Variants in ZNF786 observed in about 807,000 individuals in gnomAD.
ZNF786 encodes the protein zinc finger protein 786.
A neutral mutation model predicts 63.1 loss-of-function variants in ZNF786; 56 were observed. That is an observed-to-expected ratio of 0.89 (90% confidence interval 0.72 to 1.11). ZNF786 has a LOEUF of 1.11. Among genes scored for constraint, ZNF786 ranks in the 50% least tolerant of loss-of-function variants. The probability of loss-of-function intolerance (pLI) is 0.00; values close to 1 mark genes in which losing one functional copy is unlikely to be tolerated. For missense variants in ZNF786, 1,213 were observed against 1,041.8 expected, an observed-to-expected ratio of 1.16 and a Z score of -2.26; for synonymous variants, 485 against 406.9, an observed-to-expected ratio of 1.19 and a Z score of -2.31.
At chr7:149,089,184 T>C (rs934834441) in intron 1 of ZNF786, among the ~76,000 whole-genome samples, 1 of 152,090 alleles carries the variant, frequency 6.6e-6, no homozygotes, top group African/African-American at 2.4e-5. Context: ...GATCTCCTGA[T>C]CTCGTGATCC....
intron 1 of ZNF786, among the ~76,000 whole-genome samples, chr7:149,087,426 G>T (rs892064455): frequency 2.6e-5 from 4 of 152,150 alleles, no homozygotes; most frequent in African/African-American, 9.7e-5. Flanking sequence ...GTTATAATGT[G>T]GGGAAGCGGG....
chr7:149,078,163 A>G (rs114707704), intron 2 of ZNF786, among the ~76,000 whole-genome samples: 1,612 of 151,920 alleles, frequency 0.011, 23 homozygotes, highest in African/African-American at 0.037. Context: ...ACACCTGGCC[A>G]AAATGTAGCA....
intron 3 of ZNF786, among the ~76,000 whole-genome samples, chr7:149,072,843 T>C (rs1238821660): frequency 6.6e-6 from 1 of 152,208 alleles, no homozygotes; most frequent in Non-Finnish European, 1.5e-5. Flanking sequence ...TACATAAGAT[T>C]ACTGTGAGAA....
At chr7:149,088,821 T>A (rs1278603968) in intron 1 of ZNF786, among the ~76,000 whole-genome samples, 1 of 152,226 alleles carries the variant, frequency 6.6e-6, no homozygotes, top group Admixed American at 6.5e-5. Context: ...ATAAATAATA[T>A]GGGAACTTTC....
At position 149,070,664 on chromosome 7, in the gene ZNF786, G is replaced by C. The variant is rs1482957530; in HGVS notation, c.2108C>G (p.Pro703Arg). The change falls in exon 4 of 4, where the codon CCT becomes CGT. Residue 703 changes from proline (P) to arginine (R), a missense_variant. Transcript: ENST00000491431. ...SHQGLHTGER[P>R]FHCPECDKNF... ...CTTGTCACACTCAGGGCAGTGAAAAGGCCTCTCCCCTGTGTGCAGGCCCTG... is the reference window on the plus strand; with the variant it reads ...CTTGTCACACTCAGGGCAGTGAAAACGCCTCTCCCCTGTGTGCAGGCCCTG... The C allele has an allele frequency of 3.7e-6, 6 of 1,613,964 alleles. No individual in the cohort carries two copies. Among genetic ancestry groups the C allele is most frequent in the Non-Finnish European group, 5.1e-6 (6 of 1,179,902 alleles).
intron 2 of ZNF786, among the ~76,000 whole-genome samples, chr7:149,078,351 A>G (rs754543499): frequency 6.6e-6 from 1 of 152,114 alleles, no homozygotes; most frequent in Non-Finnish European, 1.5e-5. Context: ...GTTTTCAGTT[A>G]TATGTTTTAG....
intron 3 of ZNF786, among the ~76,000 whole-genome samples, chr7:149,072,711 T>C (rs762880921): frequency 2.6e-5 from 4 of 152,172 alleles, no homozygotes; most frequent in Non-Finnish European, 4.4e-5. Flanking sequence ...AGGTCGCAAA[T>C]ATAGAGTGTA....
Position 149,071,533 on chromosome 7 carries a change from C to A in ZNF786, c.1239G>T (p.Gln413His), listed in dbSNP as rs2129513760. ...TKRFRLRRLL[Q>H]VHQHAHGGER... is the part of the protein sequence containing the mutation. ...CCCCACCGTGCGCGTGCTGGTGGAC[C>A]TGCAGCAGGCGGCGCAGGCGGAAGC... is the stretch of plus-strand genomic sequence containing the variant. Residue 413 changes from glutamine (Q) to histidine (H), a missense_variant, in exon 4 of 4, where the codon CAG becomes CAT. Transcript: ENST00000491431. 2 of 1,613,238 alleles carry A rather than the reference C, an allele frequency of 1.2e-6. No individual in the cohort carries two copies. The highest frequency in any genetic ancestry group is 1.7e-6 in the Non-Finnish European group (2 of 1,179,874).
intron 2 of ZNF786, among the ~76,000 whole-genome samples, chr7:149,076,514 G>A (rs1305615657): frequency 6.6e-6 from 1 of 150,916 alleles, no homozygotes; most frequent in Non-Finnish European, 1.5e-5. Context: ...GGATGACGAG[G>A]TCAGGAGTTC....
At chr7:149,077,996 G>A (rs1396127733) in intron 2 of ZNF786, among the ~76,000 whole-genome samples, 2 of 151,360 alleles carry the variant, frequency 1.3e-5, no homozygotes, top group Non-Finnish European at 2.9e-5. Flanking sequence ...CCAAGTAGCT[G>A]GGATTACAGG....
intron 1 of ZNF786, chr7:149,082,432 G>T: frequency 6.3e-6 from 3 of 472,952 alleles, no homozygotes; most frequent in Non-Finnish European, 8.3e-6. Context: ...TACTTCCTGA[G>T]GCTCACAACT....
rs570462245 is a variant in ZNF786, at chr7:149,076,367, G to A, written c.146-1829C>T. Among the ~76,000 whole-genome samples the A allele has an allele frequency of 1.1e-4, 16 of 150,044 alleles. No individual in the cohort carries two copies. The South Asian group carries it at 3.0e-3, about 28-fold the overall frequency. On this transcript the variant is annotated intron_variant, in intron 2 of 3. Coordinates refer to ENST00000491431, the MANE Select transcript of ZNF786 (RefSeq NM_152411.4). The stretch of plus-strand genomic sequence containing the variant: ...CGACCTCAGGTGATCCGGCTGCCTC[G>A]GCCTCCCAAAGTGCTGGGATTACAG...
chr7:149,077,573 A>G (rs2129515664), intron 2 of ZNF786, among the ~76,000 whole-genome samples: 1 of 151,938 alleles, frequency 6.6e-6, no homozygotes, highest in African/African-American at 2.4e-5. Context: ...GCTTGCAGTG[A>G]GCTGAGATTG....
intron 1 of ZNF786, among the ~76,000 whole-genome samples, chr7:149,087,684 C>T (rs1230255947): frequency 6.6e-6 from 1 of 152,166 alleles, no homozygotes; most frequent in African/African-American, 2.4e-5. Flanking sequence ...TCCGGGGTCA[C>T]AACTTTCCAT....
At position 149,080,655 on chromosome 7, in the gene ZNF786, C is replaced by G. The variant is rs1369679712; in HGVS notation, c.81G>C (p.Glu27Asp). 1 of 1,611,838 alleles carries G rather than the reference C, an allele frequency of 6.2e-7. No individual in the cohort carries two copies. The highest frequency in any genetic ancestry group is 8.5e-7 in the Non-Finnish European group (1 of 1,179,486). Reference protein sequence around the residue: ...YFSEQEWQDLEAWQKELYKHV... With the variant: ...YFSEQEWQDLDAWQKELYKHV... Reference sequence around the variant, plus strand: ...GCTTGTAAAGTTCCTTCTGCCATGCCTCTAGATCCTGCCATTCTTGCTCGG... The same window carrying G: ...GCTTGTAAAGTTCCTTCTGCCATGCGTCTAGATCCTGCCATTCTTGCTCGG... The change falls in exon 2 of 4, where the codon GAG (glutamate) becomes GAC (aspartate). Residue 27 changes from glutamate (E) to aspartate (D), a missense_variant. Coordinates refer to ENST00000491431, the MANE Select transcript of ZNF786 (RefSeq NM_152411.4).
At position 149,071,533 on chromosome 7, in the gene ZNF786, C is replaced by G; in HGVS notation, c.1239G>C (p.Gln413His). The change falls in exon 4 of 4, where the codon CAG becomes CAC. Residue 413 changes from glutamine (Q) to histidine (H), a missense_variant. Coordinates refer to ENST00000491431, the MANE Select transcript of ZNF786 (RefSeq NM_152411.4). ...CCCCACCGTGCGCGTGCTGGTGGAC[C>G]TGCAGCAGGCGGCGCAGGCGGAAGC... ...TKRFRLRRLL[Q>H]VHQHAHGGER... 1.9e-6 allele frequency: 3 copies of G among 1,613,238 alleles called. No homozygotes were observed. The highest frequency in any genetic ancestry group is 2.2e-5 in the South Asian group (2 of 91,086).
At chr7:149,077,487 G>T (rs1260734696) in intron 2 of ZNF786, among the ~76,000 whole-genome samples, 2 of 152,082 alleles carry the variant, frequency 1.3e-5, no homozygotes, top group Non-Finnish European at 2.9e-5. Context: ...AATTAGCCAG[G>T]CGTGGTGGCG....
At position 149,070,734 on chromosome 7, in the gene ZNF786, T is replaced by G. The variant is rs773670511; in HGVS notation, c.2038A>C (p.Lys680Gln). Residue 680 changes from lysine (K) to glutamine (Q), a missense_variant, in exon 4 of 4, where the codon AAG becomes CAG. Transcript: ENST00000491431. ...HTGEKPFQCPKCDKSFRLKAQ... is the reference protein window; with the variant it reads ...HTGEKPFQCPQCDKSFRLKAQ... ...TTCAGGCGGAAACTCTTGTCACACT[T>G]GGGACACTGAAAAGGCTTCTCTCCC... is the stretch of plus-strand genomic sequence containing the variant. The G allele has an allele frequency of 1.2e-6, 2 of 1,608,962 alleles. No homozygotes were observed. Among genetic ancestry groups the G allele is most frequent in the African/African-American group, 2.7e-5 (2 of 72,946 alleles).
intron 1 of ZNF786, among the ~76,000 whole-genome samples, chr7:149,083,720 C>G (rs1160680637): frequency 6.6e-6 from 1 of 152,124 alleles, no homozygotes. Flanking sequence ...GCCCCAATGT[C>G]TGTTATTCAT....
Sources: gnomAD v4.1 joint callset for allele counts (sites outside exome capture counted in the v4.1 genomes callset) on GRCh38, gnomAD v4.1.1 for gene constraint, MANE v1.5 for transcripts, NCBI Gene and HGNC (gene_info 2026-07-23, HGNC 2026-07-21) for gene names.